Variants in IL1RAPL1 observed in about 807,000 individuals in gnomAD.
The protein encoded by IL1RAPL1 is interleukin-1 receptor accessory protein-like 1.
Under a neutral mutation model 48.4 loss-of-function variants are expected in IL1RAPL1, and 3 were observed. The ratio of observed to expected loss-of-function variants is 0.06; its 90% CI spans 0.03 to 0.16. The LOEUF is 0.16. IL1RAPL1 is among the 10% of genes least tolerant of loss of function. The probability of loss-of-function intolerance (pLI) is 1.00; values close to 1 mark genes in which losing one functional copy is unlikely to be tolerated. For missense variants in IL1RAPL1, 349 were observed against 530.6 expected, an observed-to-expected ratio of 0.66 and a Z score of 3.36; for synonymous variants, 185 against 187.7, an observed-to-expected ratio of 0.99 and a Z score of 0.12.
At chrX:29,828,884 A>G (rs1930800673) in intron 6 of IL1RAPL1, among the ~76,000 whole-genome samples, 1 of 109,523 alleles carries the variant, frequency 9.1e-6, no homozygotes, top group Non-Finnish European at 1.9e-5. Flanking sequence ...GGGAGAGATT[A>G]GAGTCCTGCC....
chrX:29,316,603 A>T (rs1344076469), intron 3 of IL1RAPL1, among the ~76,000 whole-genome samples: 1 of 112,055 alleles, frequency 8.9e-6, no homozygotes, highest in African/African-American at 3.2e-5. Context: ...TATGGAAGGT[A>T]CACATTGGTG....
At chrX:28,809,281 A>C (rs1015257664) in intron 2 of IL1RAPL1, among the ~76,000 whole-genome samples, 1 of 110,909 alleles carries the variant, frequency 9.0e-6, no homozygotes, top group African/African-American at 3.3e-5. Context: ...TGCATTTCTC[A>C]TGAAGAGTAC....
At chrX:29,318,555 C>T (rs746443548) in intron 3 of IL1RAPL1, among the ~76,000 whole-genome samples, 6 of 112,243 alleles carry the variant, frequency 5.3e-5, no homozygotes, top group South Asian at 7.3e-4. Context: ...AAAATAATAA[C>T]GGTAATCTAA....
At chrX:28,749,929 A>G (rs931081336) in intron 1 of IL1RAPL1, among the ~76,000 whole-genome samples, 1 of 109,033 alleles carries the variant, frequency 9.2e-6, no homozygotes, top group Non-Finnish European at 1.9e-5. Flanking sequence ...AAAAAAAAGA[A>G]AAAAAAAGAA....
intron 6 of IL1RAPL1, among the ~76,000 whole-genome samples, chrX:29,875,015 C>T (rs762705300): frequency 1.1e-4 from 12 of 111,806 alleles, no homozygotes; most frequent in Non-Finnish European, 2.1e-4. Flanking sequence ...GTGGATACAA[C>T]AGTTACCACC....
chrX:28,842,734 T>C (rs1378989435), intron 2 of IL1RAPL1, among the ~76,000 whole-genome samples: 1 of 112,004 alleles, frequency 8.9e-6, no homozygotes, highest in Non-Finnish European at 1.9e-5. Context: ...TATGAATTGA[T>C]AGAAAATGAG....
At chrX:29,045,062 G>A (rs1281776618) in intron 2 of IL1RAPL1, among the ~76,000 whole-genome samples, 2 of 111,118 alleles carry the variant, frequency 1.8e-5, no homozygotes, top group Non-Finnish European at 3.8e-5. Flanking sequence ...TTCAATGTTA[G>A]TGATTGAAAA....
chrX:28,986,328 A>C (rs1925472915), intron 2 of IL1RAPL1, among the ~76,000 whole-genome samples: 1 of 112,313 alleles, frequency 8.9e-6, no homozygotes, highest in Non-Finnish European at 1.9e-5. Context: ...AAAATTCGTA[A>C]CTGCATTATG....
chrX:29,384,593 T>C (rs1024949862), intron 3 of IL1RAPL1, among the ~76,000 whole-genome samples: 2 of 112,579 alleles, frequency 1.8e-5, no homozygotes, highest in Non-Finnish European at 3.7e-5. Context: ...ATTTTTGCAT[T>C]AATTTAATTT....
At chrX:29,852,112 G>T (rs1282001256) in intron 6 of IL1RAPL1, among the ~76,000 whole-genome samples, 5 of 112,653 alleles carry the variant, frequency 4.4e-5, no homozygotes, top group Non-Finnish European at 9.4e-5. Context: ...GCTCACTTAA[G>T]GGAGACCAAG....
chrX:29,416,716 T>C (rs1385468303), intron 5 of IL1RAPL1, among the ~76,000 whole-genome samples: 1 of 111,854 alleles, frequency 8.9e-6, no homozygotes, highest in Non-Finnish European at 1.9e-5. Flanking sequence ...TTGATTAAAT[T>C]TATTGCTCTG....
intron 2 of IL1RAPL1, among the ~76,000 whole-genome samples, chrX:29,125,729 G>A (rs944653989): frequency 1.8e-5 from 2 of 111,193 alleles, no homozygotes; most frequent in African/African-American, 3.3e-5. Context: ...TGGGGTTTTT[G>A]TTTTGACTGC....
chrX:29,238,220 C>A (rs1185518179), intron 2 of IL1RAPL1, among the ~76,000 whole-genome samples: 1 of 111,765 alleles, frequency 8.9e-6, no homozygotes, highest in African/African-American at 3.3e-5. Flanking sequence ...AATAGCCTTT[C>A]TTTCCTCTCT....
chrX:29,930,757 G>A (rs1164029728), intron 8 of IL1RAPL1, among the ~76,000 whole-genome samples: 2 of 111,560 alleles, frequency 1.8e-5, no homozygotes, highest in Non-Finnish European at 3.8e-5. Context: ...CATTTTTCAA[G>A]TATATTGAAA....
rs181598507 is a variant in IL1RAPL1 at position 29,696,553 on chromosome X, G to A, written c.778+28049G>A. 4.7e-4 allele frequency among the ~76,000 whole-genome samples: 53 copies of A among 111,857 alleles called. 1 individual carries two copies. The East Asian group carries it at 0.014, about 29-fold the overall frequency. On this transcript the variant is annotated intron_variant, in intron 6 of 10. Coordinates refer to ENST00000378993, the MANE Select transcript of IL1RAPL1 (RefSeq NM_014271.4). The stretch of plus-strand genomic sequence containing the variant: ...TTTGATCAGTGGAAATGCATGGTGC[G>A]AAAAGTTATGATTTGTCCCAGGTTG...
chrX:29,626,003 A>G (rs1924605710), intron 5 of IL1RAPL1, among the ~76,000 whole-genome samples: 1 of 112,045 alleles, frequency 8.9e-6, no homozygotes, highest in African/African-American at 3.2e-5. Flanking sequence ...TAAATTTATT[A>G]TAGATTCGAC....
At chrX:29,950,677 TTTTTTTTC>T (rs1207270163) in intron 9 of IL1RAPL1, among the ~76,000 whole-genome samples, 1 of 103,995 alleles carries the variant, frequency 9.6e-6, no homozygotes, top group Non-Finnish European at 2.0e-5. Context: ...GGCCTTTTTT[TTTTTTTTC>T]TTTTTTTTTG....
At chrX:28,936,314 T>G (rs997935544) in intron 2 of IL1RAPL1, among the ~76,000 whole-genome samples, 1 of 110,415 alleles carries the variant, frequency 9.1e-6, no homozygotes, top group Non-Finnish European at 1.9e-5. Context: ...AATAAATGAC[T>G]GAGCAATGGA....
At chrX:29,766,327 C>CA (rs1220003136) in intron 6 of IL1RAPL1, among the ~76,000 whole-genome samples, 73 of 25,554 alleles carry the variant, frequency 2.9e-3, no homozygotes, top group African/African-American at 8.5e-3. Flanking sequence ...GACTCCGTCT[C>CA]AAAAAAAAAA....
Sources: allele counts gnomAD v4.1 joint callset (sites outside exome capture counted in the v4.1 genomes callset), GRCh38; gene constraint gnomAD v4.1.1; transcripts MANE v1.5; gene names NCBI Gene and HGNC (gene_info 2026-07-23, HGNC 2026-07-21).